Variants in N4BP2L2 observed in about 807,000 individuals in gnomAD.
The protein encoded by N4BP2L2 is NEDD4-binding protein 2-like 2.
N4BP2L2 carries 50 observed loss-of-function variants against 56.2 expected under a neutral mutation model. The ratio of observed to expected loss-of-function variants is 0.89; its 90% CI spans 0.71 to 1.13. The LOEUF (loss-of-function observed/expected upper bound fraction) is 1.13, where lower values mean the gene tolerates loss of function less well. Ranked by LOEUF, N4BP2L2 falls within the 50% of genes most tolerant of loss-of-function variation. N4BP2L2 has a pLI of 0.00. For missense variants in N4BP2L2, 689 were observed against 693.8 expected (o/e 0.99, Z 0.08); for synonymous variants, 203 against 223.6 (o/e 0.91, Z 0.82).
intron 6 of N4BP2L2, among the ~76,000 whole-genome samples, chr13:32,464,669 C>T (rs143102454): frequency 1.4e-4 from 21 of 152,258 alleles, no homozygotes; most frequent in African/African-American, 5.1e-4. Flanking sequence ...TATTAAATCC[C>T]CCTATTTGAA....
At chr13:32,478,145 A>G in intron 6 of N4BP2L2, 2 of 989,462 alleles carry the variant, frequency 2.0e-6, no homozygotes, top group South Asian at 1.6e-5. Context: ...TGGCCAGAAC[A>G]TTCAATCTCA....
At chr13:32,536,078 T>C (rs2056479873) in exon 2 of N4BP2L2, 1 of 1,614,088 alleles carries the variant, frequency 6.2e-7, no homozygotes, top group Non-Finnish European at 8.5e-7. Flanking sequence ...ATTTACATAA[T>C]ATCCATTTTG....
At chr13:32,518,197 T>C (rs577871948) in intron 5 of N4BP2L2, among the ~76,000 whole-genome samples, 194 bp from the exon 6 acceptor site, 5 of 152,314 alleles carry the variant, frequency 3.3e-5, no homozygotes, top group African/African-American at 1.2e-4. Context: ...TAAAAAGGTA[T>C]AAAGATTCCA....
chr13:32,466,824 T>C (rs1185789980), intron 6 of N4BP2L2, among the ~76,000 whole-genome samples: 1 of 152,200 alleles, frequency 6.6e-6, no homozygotes, highest in Non-Finnish European at 1.5e-5. Context: ...TTTAACCAAA[T>C]AGCTGCACCT....
chr13:32,437,633 CTG>C (rs1167691478), intron 8 of N4BP2L2, among the ~76,000 whole-genome samples: 2 of 152,342 alleles, frequency 1.3e-5, no homozygotes, highest in East Asian at 3.9e-4. Context: ...ACGTCTGTCA[CTG>C]TGGACCACAG....
At chr13:32,455,093 C>G (rs986961495) in intron 6 of N4BP2L2, among the ~76,000 whole-genome samples, 5 of 152,312 alleles carry the variant, frequency 3.3e-5, no homozygotes, top group Non-Finnish European at 4.4e-5. Context: ...TCCTACAACT[C>G]CTAAGCAAAA....
At chr13:32,526,195 G>A (rs1248060004) in intron 3 of N4BP2L2, among the ~76,000 whole-genome samples, 1 of 152,186 alleles carries the variant, frequency 6.6e-6, no homozygotes, top group Non-Finnish European at 1.5e-5. Flanking sequence ...CATAGTTTCT[G>A]CAACAAGTTA....
At chr13:32,500,358 A>G (rs988363904) in intron 6 of N4BP2L2, among the ~76,000 whole-genome samples, 1 of 152,130 alleles carries the variant, frequency 6.6e-6, no homozygotes, top group African/African-American at 2.4e-5. Context: ...CTCTATAAGT[A>G]AATTGTTTCT....
At chr13:32,537,552 A>G (rs752571671) in intron 1 of N4BP2L2, among the ~76,000 whole-genome samples, 1 of 152,162 alleles carries the variant, frequency 6.6e-6, no homozygotes, top group Non-Finnish European at 1.5e-5. Flanking sequence ...TCTCCTTAGC[A>G]TCCAAATGTT....
At chr13:32,511,031 T>C (rs2048023405) in exon 6 of N4BP2L2, 1 of 152,128 alleles carries the variant, frequency 6.6e-6, no homozygotes. Context: ...TTACAGTAGA[T>C]ACATGTCTAA....
chr13:32,446,985 G>A (rs1188934042), intron 6 of N4BP2L2, among the ~76,000 whole-genome samples: 1 of 151,572 alleles, frequency 6.6e-6, no homozygotes, highest in Non-Finnish European at 1.5e-5. Context: ...GATTCGCTCT[G>A]AAGTCCACAC....
chr13:32,502,819 T>C (rs997685819), intron 6 of N4BP2L2, among the ~76,000 whole-genome samples: 1 of 152,162 alleles, frequency 6.6e-6, no homozygotes, highest in African/African-American at 2.4e-5. Context: ...ACTCACTATA[T>C]ACTTCTCGAT....
At chr13:32,471,123 T>C (rs569613568) in intron 6 of N4BP2L2, among the ~76,000 whole-genome samples, 1 of 152,282 alleles carries the variant, frequency 6.6e-6, no homozygotes, top group South Asian at 2.1e-4. Context: ...AAAGCTTATG[T>C]ATGTAACGGG....
At chr13:32,436,277 T>C in intron 9 of N4BP2L2, 1 of 620,532 alleles carries the variant, frequency 1.6e-6, no homozygotes, top group Non-Finnish European at 2.7e-6. Flanking sequence ...CGTGCTATAA[T>C]ACATATGAGC....
chr13:32,517,486 T>C (rs2049492535), exon 6 of N4BP2L2: 2 of 1,054,052 alleles, frequency 1.9e-6, no homozygotes, highest in African/African-American at 1.7e-5. Flanking sequence ...TGTTCAATAG[T>C]GTCTATAAAA....
intron 6 of N4BP2L2, among the ~76,000 whole-genome samples, chr13:32,473,871 G>T (rs1159387240): frequency 1.3e-5 from 2 of 152,166 alleles, no homozygotes; most frequent in Non-Finnish European, 2.9e-5. Context: ...ACTATTTTAA[G>T]GTCAGTTGAT....
intron 6 of N4BP2L2, among the ~76,000 whole-genome samples, chr13:32,475,691 T>C (rs2083194379): frequency 6.6e-6 from 1 of 152,174 alleles, no homozygotes; most frequent in Non-Finnish European, 1.5e-5. Context: ...TGCCAGTATC[T>C]ATGTCTGCAG....
intron 6 of N4BP2L2, among the ~76,000 whole-genome samples, chr13:32,503,804 G>A (rs987190808): frequency 6.6e-5 from 10 of 152,140 alleles, no homozygotes; most frequent in Admixed American, 5.9e-4. Flanking sequence ...CCAGCACTTC[G>A]GGGGACCGAG....
intron 8 of N4BP2L2, among the ~76,000 whole-genome samples, chr13:32,438,032 C>A (rs953882205): frequency 6.6e-6 from 1 of 152,042 alleles, no homozygotes; most frequent in Non-Finnish European, 1.5e-5. Flanking sequence ...TTTATGAGCA[C>A]AATGTATTTT....
Sources: gnomAD v4.1 joint callset for allele counts (sites outside exome capture counted in the v4.1 genomes callset) on GRCh38, gnomAD v4.1.1 for gene constraint, MANE v1.5 for transcripts, NCBI Gene and HGNC (gene_info 2026-07-23, HGNC 2026-07-21) for gene names.